Variants in ZFR observed in about 807,000 individuals in gnomAD.
ZFR encodes zinc finger RNA-binding protein.
In ZFR, 19 loss-of-function variants were observed where a neutral mutation model predicts 130.7. The observed-to-expected ratio is 0.15, with a 90% confidence interval of 0.10 to 0.21. The LOEUF (loss-of-function observed/expected upper bound fraction) is 0.21, where lower values mean the gene tolerates loss of function less well. Ranked by LOEUF, ZFR falls within the 10% of genes least tolerant of loss-of-function variation. The pLI, the probability that ZFR is intolerant of heterozygous loss-of-function variation, is 1.00. For synonymous variants in ZFR, 466 were observed against 456.9 expected (o/e 1.02, Z -0.25); for missense variants, 872 against 1,321.5 (o/e 0.66, Z 5.27).
intron 2 of ZFR, among the ~76,000 whole-genome samples, chr5:32,434,655 A>G (rs2111861994): frequency 6.6e-6 from 1 of 152,362 alleles, no homozygotes; most frequent in East Asian, 1.9e-4. Context: ...TACGTGATAG[A>G]GGAAATAATT....
chr5:32,391,881 G>C (rs1033137761), intron 11 of ZFR, among the ~76,000 whole-genome samples: 1 of 151,904 alleles, frequency 6.6e-6, no homozygotes, highest in Non-Finnish European at 1.5e-5. Flanking sequence ...ATACAGGTGT[G>C]CACCACCACG....
chr5:32,374,274 G>A (rs1050155844), intron 17 of ZFR, among the ~76,000 whole-genome samples: 1 of 152,128 alleles, frequency 6.6e-6, no homozygotes, highest in Non-Finnish European at 1.5e-5. Context: ...GTGAGGCCAA[G>A]GTGGGCGGAT....
rs750469138 is a variant in ZFR at position 32,417,749 on chromosome 5, T to C, written c.464A>G (p.Tyr155Cys). The change falls in exon 4 of 20, where the codon TAT (tyrosine) becomes TGT (cysteine). Residue 155 changes from tyrosine (Y) to cysteine (C), a missense_variant. Tyr to Cys is a radical substitution (Grantham distance 194). Coordinates refer to ENST00000265069, the MANE Select transcript of ZFR (RefSeq NM_016107.5). Reference protein sequence around the residue: ...YVRSTAPAVAYDSKQYYQQPT... With the variant: ...YVRSTAPAVACDSKQYYQQPT... Reference sequence around the variant, plus strand: ...TTGTTGGTAGTATTGCTTACTATCATAAGCTACAGCAGGAGCTGTGGACCT... The same window carrying C: ...TTGTTGGTAGTATTGCTTACTATCACAAGCTACAGCAGGAGCTGTGGACCT... 1.2e-6 allele frequency: 2 copies of C among 1,613,910 alleles called. No individual in the cohort carries two copies. The highest frequency in any genetic ancestry group is 3.3e-5 in the Admixed American group (2 of 60,020).
At chr5:32,428,864 C>T (rs1297743967) in intron 2 of ZFR, among the ~76,000 whole-genome samples, 1 of 152,060 alleles carries the variant, frequency 6.6e-6, no homozygotes, top group African/African-American at 2.4e-5. Context: ...GCACAAATAT[C>T]ACTTTCCGTG....
chr5:32,373,845 T>A (rs895492041), intron 17 of ZFR, among the ~76,000 whole-genome samples: 2 of 152,220 alleles, frequency 1.3e-5, no homozygotes, highest in African/African-American at 2.4e-5. Flanking sequence ...GCAGCTTTTT[T>A]CACTTTTGAC....
At chr5:32,419,399 A>G (rs1270118191) in intron 3 of ZFR, among the ~76,000 whole-genome samples, 1 of 152,118 alleles carries the variant, frequency 6.6e-6, no homozygotes, top group Non-Finnish European at 1.5e-5. Flanking sequence ...ATGCAATGGC[A>G]TAATCCTGGC....
chr5:32,355,659 T>C lies in ZFR; in HGVS notation c.*101A>G. On this transcript the variant is annotated 3_prime_UTR_variant, in exon 20 of 20. Coordinates refer to ENST00000265069, the MANE Select transcript of ZFR (RefSeq NM_016107.5). The stretch of plus-strand genomic sequence containing the variant: ...AACTTGGTTCTTCCATGAAATCCTT[T>C]AAATTCTTGATAAATTTTTCAATGT... 8.7e-7 allele frequency: 1 copy of C among 1,153,800 alleles called. No homozygotes were observed. The highest frequency in any genetic ancestry group is 1.2e-6 in the Non-Finnish European group (1 of 839,630). The allele number at this position is 1,153,800 out of a possible 1,614,324, so 71.5% of individuals were successfully genotyped here.
intron 14 of ZFR, 124 bp from the exon 15 acceptor site, chr5:32,385,773 C>T (rs1314116151): frequency 1.0e-6 from 1 of 974,032 alleles, no homozygotes; most frequent in African/African-American, 1.6e-5. Flanking sequence ...AGATTATATA[C>T]TGCTCCTTCT....
At chr5:32,367,376 G>A (rs6450902) in intron 17 of ZFR, among the ~76,000 whole-genome samples, 144,955 of 151,964 alleles carry the variant, frequency 0.95, 69,201 homozygotes, top group African/African-American at 0.98. Flanking sequence ...CGGAGGTTGC[G>A]GTGAGCTGAG....
At chr5:32,429,079 G>A (rs557810565) in intron 2 of ZFR, among the ~76,000 whole-genome samples, 128 of 144,426 alleles carry the variant, frequency 8.9e-4, no homozygotes, top group African/African-American at 3.3e-3. Context: ...TCCACCTCCC[G>A]GGTTCACGCC....
chr5:32,422,620 GACC>G (rs935859385), intron 2 of ZFR, among the ~76,000 whole-genome samples: 3 of 151,576 alleles, frequency 2.0e-5, no homozygotes, highest in Admixed American at 6.6e-5. Flanking sequence ...AACGTAGAAA[GACC>G]ACATCTCTAC....
intron 17 of ZFR, among the ~76,000 whole-genome samples, chr5:32,372,198 G>A (rs1452025358): frequency 6.6e-6 from 1 of 152,154 alleles, no homozygotes; most frequent in African/African-American, 2.4e-5. Flanking sequence ...CACAGGGGAA[G>A]GAAAAGAAGA....
At chr5:32,384,923 T>A (rs1470162210) in intron 15 of ZFR, among the ~76,000 whole-genome samples, 1 of 152,134 alleles carries the variant, frequency 6.6e-6, no homozygotes, top group Non-Finnish European at 1.5e-5. Context: ...GGGTCAAATG[T>A]CCAAATCCTC....
chr5:32,387,871 TAA>T (rs879867089), intron 13 of ZFR, among the ~76,000 whole-genome samples, 172 bp from the exon 14 acceptor site: 1 of 146,072 alleles, frequency 6.8e-6, no homozygotes. Flanking sequence ...GCAATGTGGA[TAA>T]AAAAAAAAAA....
At chr5:32,398,299 G>A (rs538811517) in intron 9 of ZFR, among the ~76,000 whole-genome samples, 1 of 152,252 alleles carries the variant, frequency 6.6e-6, no homozygotes, top group South Asian at 2.1e-4. Flanking sequence ...ACGAATAATA[G>A]CATTATTTTG....
At position 32,414,876 on chromosome 5, in the gene ZFR, G is replaced by C. The variant is rs544599951; in HGVS notation, c.784+93C>G. The C allele has an allele frequency of 2.2e-4, 237 of 1,075,704 alleles. 2 individuals carry two copies. In the Admixed American group the frequency reaches 5.5e-3, roughly 25 times the overall value. 66.6% of individuals were successfully genotyped at this position (1,075,704 alleles called of 1,614,324 possible). On this transcript the variant is annotated intron_variant, in intron 5 of 19. Transcript: ENST00000265069. ...ATCAATTAATTTAATTCCTATTATT[G>C]GGAGTAAGGTAATTTCAAAGACAAT... is the stretch of plus-strand genomic sequence containing the variant.
intron 2 of ZFR, among the ~76,000 whole-genome samples, chr5:32,421,934 T>C (rs922476374): frequency 5.9e-5 from 9 of 152,130 alleles, no homozygotes; most frequent in Non-Finnish European, 1.2e-4. Context: ...TAACAGGTCA[T>C]ACTTTTCCAA....
At chr5:32,405,491 T>C (rs1458718267) in intron 6 of ZFR, among the ~76,000 whole-genome samples, 1 of 152,170 alleles carries the variant, frequency 6.6e-6, no homozygotes, top group Non-Finnish European at 1.5e-5. Context: ...ACAGCAAAAA[T>C]AGCCAGCCTT....
intron 2 of ZFR, among the ~76,000 whole-genome samples, chr5:32,430,651 A>C (rs1754188139): frequency 6.6e-6 from 1 of 152,218 alleles, no homozygotes; most frequent in Non-Finnish European, 1.5e-5. Flanking sequence ...TATCTAAGTG[A>C]AACTGTAAAC....
Sources: allele counts gnomAD v4.1 joint callset (sites outside exome capture counted in the v4.1 genomes callset), GRCh38; gene constraint gnomAD v4.1.1; transcripts MANE v1.5; gene names NCBI Gene and HGNC (gene_info 2026-07-23, HGNC 2026-07-21).